OTUD7A: variants seen among roughly 807,000 people sequenced by gnomAD.
The protein encoded by OTUD7A is OTU domain-containing protein 7A.
A neutral mutation model predicts 65.7 loss-of-function variants in OTUD7A; 12 were observed. The observed-to-expected ratio is 0.18, with a 90% confidence interval of 0.12 to 0.30. The LOEUF is 0.30. Ranked by LOEUF, OTUD7A falls within the 10% of genes least tolerant of loss-of-function variation. OTUD7A has a pLI of 1.00. For synonymous variants in OTUD7A, 641 were observed against 586.3 expected, an observed-to-expected ratio of 1.09 and a Z score of -1.35; for missense variants, 1,148 against 1,304.8, an observed-to-expected ratio of 0.88 and a Z score of 1.85.
At chr15:31,807,153 A>G (rs1359186868) in intron 1 of OTUD7A, among the ~76,000 whole-genome samples, 1 of 152,190 alleles carries the variant, frequency 6.6e-6, no homozygotes, top group African/African-American at 2.4e-5. Flanking sequence ...GCCTCATGGA[A>G]TCCCCTTATA....
At chr15:31,633,077 G>A (rs2141252257) in intron 3 of OTUD7A, among the ~76,000 whole-genome samples, 1 of 152,340 alleles carries the variant, frequency 6.6e-6, no homozygotes, top group East Asian at 1.9e-4. Context: ...CTTCCCGAGT[G>A]AGGCAATGCC....
In OTUD7A at chr15:31,610,618, T is replaced by A. The variant is rs1238977158; in HGVS notation, c.152-40421A>T. Among the ~76,000 whole-genome samples the A allele has an allele frequency of 3.7e-3, 44 of 11,846 alleles. 3 individuals carry two copies. The highest frequency in any genetic ancestry group is 0.011 in the African/African-American group (29 of 2,552). The allele number at this position is 11,846 out of a possible 152,430, so 7.8% of individuals were successfully genotyped here. A position where few individuals can be genotyped will look rare whatever the true frequency, so the allele number is the denominator to read the frequency against. On this transcript the variant is annotated intron_variant, in intron 3 of 12. Coordinates refer to ENST00000307050, the MANE Select transcript of OTUD7A (RefSeq NM_001382637.1). Reference sequence around the variant, plus strand: ...TTATATATATATATATATATATATATTTTTTTTTTTTTTTTTTTTTTGAGA... The same window carrying A: ...TTATATATATATATATATATATATAATTTTTTTTTTTTTTTTTTTTTGAGA...
intron 3 of OTUD7A, among the ~76,000 whole-genome samples, chr15:31,622,124 G>A (rs529829420): frequency 1.4e-4 from 22 of 152,314 alleles, no homozygotes; most frequent in East Asian, 1.3e-3. Flanking sequence ...AGTTTCTGCC[G>A]AGAGATCAGC....
intron 1 of OTUD7A, among the ~76,000 whole-genome samples, chr15:31,795,000 A>G (rs2140941519): frequency 6.6e-6 from 1 of 152,368 alleles, no homozygotes; most frequent in Admixed American, 6.5e-5. Context: ...TGAAAATAAG[A>G]TTACTGCGGC....
rs2041250801 is a variant in OTUD7A at position 31,487,263 on chromosome 15, T to C, written c.1302A>G (p.Leu434=). 5 of 1,613,906 alleles carry C rather than the reference T, an allele frequency of 3.1e-6. No individual in the cohort carries two copies. The highest frequency in any genetic ancestry group is 4.2e-6 in the Non-Finnish European group (5 of 1,179,970). Residue 434 remains leucine, a synonymous_variant, in exon 12 of 13, where the codon CTA becomes CTG. Coordinates refer to ENST00000307050, the MANE Select transcript of OTUD7A (RefSeq NM_001382637.1). The surrounding 1 kb of genome is among the most constrained non-coding windows in gnomAD (Gnocchi z 6.0). ...NARLAHLILS[L]EAKLNLLHSY... Reference sequence around the variant, plus strand: ...TGTGCAGAAGGTTCAGCTTGGCTTCTAGCGACAGGATAAGGCTGGCAAGAG... The same window carrying C: ...TGTGCAGAAGGTTCAGCTTGGCTTCCAGCGACAGGATAAGGCTGGCAAGAG...
At chr15:31,688,768 CTG>C (rs1320670366) in intron 1 of OTUD7A, among the ~76,000 whole-genome samples, 1 of 151,002 alleles carries the variant, frequency 6.6e-6, no homozygotes, top group East Asian at 2.0e-4. Flanking sequence ...TATTTACCAC[CTG>C]TGTGTGTCTG....
chr15:31,577,819 T>TAAAAAAAAAA (rs36055987), intron 3 of OTUD7A, among the ~76,000 whole-genome samples: 1 of 141,204 alleles, frequency 7.1e-6, no homozygotes, highest in Non-Finnish European at 1.5e-5. Flanking sequence ...TTGATTCCAG[T>TAAAAAAAAAA]AAAAAAAAAA....
In OTUD7A at chr15:31,483,542, C is replaced by A; in HGVS notation, c.2554G>T (p.Glu852Ter). ...PGAAGTAGAAEHKSQTYTNGF... is the reference protein window; with the variant it reads ...PGAAGTAGAA ...TTGGTGTAGGTCTGCGACTTGTGCT[C>A]GGCCGCCCCCGCCGTCCCCGCCGCG... Residue 852 changes from glutamate (E) to a stop codon, truncating the protein, a stop_gained, in exon 13 of 13, where the codon GAG becomes TAG. Transcript: ENST00000307050. LOFTEE classifies it high-confidence loss of function. 7.5e-7 allele frequency: 1 copy of A among 1,334,788 alleles called. No individual in the cohort carries two copies. The highest frequency in any genetic ancestry group is 3.1e-5 in the Admixed American group (1 of 32,028). 82.7% of individuals were successfully genotyped at this position (1,334,788 alleles called of 1,614,324 possible). A position where few individuals can be genotyped will look rare whatever the true frequency, so the allele number is the denominator to read the frequency against.
chr15:31,561,711 T>A (rs988277467), intron 4 of OTUD7A, among the ~76,000 whole-genome samples: 1 of 152,092 alleles, frequency 6.6e-6, no homozygotes, highest in Non-Finnish European at 1.5e-5. Context: ...GAGAAATATA[T>A]GCTCCTAATT....
At chr15:31,597,881 C>T (rs1595641271) in intron 3 of OTUD7A, among the ~76,000 whole-genome samples, 1 of 152,340 alleles carries the variant, frequency 6.6e-6, no homozygotes, top group Non-Finnish European at 1.5e-5. Flanking sequence ...AGAGGGGCTG[C>T]TGGGCTTCTG....
chr15:31,759,765 T>A (rs988140561), intron 1 of OTUD7A, among the ~76,000 whole-genome samples: 3 of 152,108 alleles, frequency 2.0e-5, no homozygotes, highest in South Asian at 2.1e-4. Context: ...TGACCTCAAG[T>A]GATCCTGCTG....
intron 1 of OTUD7A, among the ~76,000 whole-genome samples, chr15:31,859,778 C>T (rs1008465472): frequency 6.6e-6 from 1 of 152,158 alleles, no homozygotes; most frequent in Non-Finnish European, 1.5e-5. Context: ...AGTGCCCAGA[C>T]ATTAAGATTT....
chr15:31,780,472 C>A (rs761531793), intron 1 of OTUD7A, among the ~76,000 whole-genome samples: 1 of 152,190 alleles, frequency 6.6e-6, no homozygotes, highest in Non-Finnish European at 1.5e-5. Context: ...TACTTAGAAG[C>A]GCTGGCAGGA....
intron 3 of OTUD7A, among the ~76,000 whole-genome samples, chr15:31,627,381 GT>G (rs1048898972): frequency 5.9e-5 from 9 of 151,468 alleles, no homozygotes; most frequent in African/African-American, 2.2e-4. Flanking sequence ...GAGAATGATG[GT>G]TTCCAGTTTC....
chr15:31,519,101 A>G (rs2041903313), intron 8 of OTUD7A, among the ~76,000 whole-genome samples: 1 of 149,386 alleles, frequency 6.7e-6, no homozygotes, highest in African/African-American at 2.5e-5. Context: ...ATTATCCACT[A>G]CAGGTCTAGC....
rs2041038157 is a variant in OTUD7A, at chr15:31,477,293, A to G, written c.*6001T>C. 1 of 152,300 alleles carries G rather than the reference A, an allele frequency of 6.6e-6. No homozygotes were observed. Among genetic ancestry groups the G allele is most frequent in the Non-Finnish European group, 1.5e-5 (1 of 68,102 alleles). 9.4% of individuals were successfully genotyped at this position (152,300 alleles called of 1,614,324 possible). A position where few individuals can be genotyped will look rare whatever the true frequency, so the allele number is the denominator to read the frequency against. On this transcript the variant is annotated 3_prime_UTR_variant, in exon 13 of 13. Transcript: ENST00000307050. Reference sequence around the variant, plus strand: ...AACTGGGAAGGACTGGGAGACACCTAAAGACTGATTACAAAGGATTCTCTG... The same window carrying G: ...AACTGGGAAGGACTGGGAGACACCTGAAGACTGATTACAAAGGATTCTCTG...
chr15:31,793,559 G>A (rs145507394), intron 1 of OTUD7A, among the ~76,000 whole-genome samples: 57 of 152,168 alleles, frequency 3.7e-4, no homozygotes, highest in African/African-American at 1.3e-3. Context: ...CTCATTCTCC[G>A]TCATCCTTAA....
chr15:31,569,813 C>G (rs370552328), intron 4 of OTUD7A, among the ~76,000 whole-genome samples: 1 of 152,172 alleles, frequency 6.6e-6, no homozygotes, highest in Non-Finnish European at 1.5e-5. Flanking sequence ...ACTCATTTTT[C>G]TGCTTTTCTG....
chr15:31,845,362 T>TCCTGATTCTGC (rs1897273065), intron 1 of OTUD7A, among the ~76,000 whole-genome samples: 2 of 152,188 alleles, frequency 1.3e-5, no homozygotes, highest in South Asian at 4.1e-4. Context: ...CCTACTTCTG[T>TCCTGATTCTGC]CCTGATTCTG....
Sources: allele counts gnomAD v4.1 joint callset (sites outside exome capture counted in the v4.1 genomes callset), GRCh38; gene constraint gnomAD v4.1.1; non-coding constraint Gnocchi (gnomAD v3.1); transcripts MANE v1.5; gene names NCBI Gene and HGNC (gene_info 2026-07-23, HGNC 2026-07-21).